The following HPS1 variants were observed in gnomAD, a reference collection of about 807,000 sequenced individuals.
HPS1 encodes BLOC-3 complex member HPS1.
Under a neutral mutation model 90.6 loss-of-function variants are expected in HPS1, and 59 were observed. The observed-to-expected ratio is 0.65, with a 90% CI of 0.53 to 0.81. HPS1 has a LOEUF of 0.81. HPS1 is among the 30% of genes least tolerant of loss of function. HPS1 has a pLI of 0.00. For synonymous variants in HPS1, 388 were observed against 384.4 expected (o/e 1.01, Z -0.11); for missense variants, 849 against 896.7 (o/e 0.95, Z 0.68).
chr10:98,433,026 G>C (rs1438754785), intron 6 of HPS1, among the ~76,000 whole-genome samples: 1 of 152,152 alleles, frequency 6.6e-6, no homozygotes. Context: ...GAGGTCAGGA[G>C]TTCGAGACCA....
At chr10:98,440,522 GA>G (rs1303784302) in intron 3 of HPS1, among the ~76,000 whole-genome samples, 4 of 147,752 alleles carry the variant, frequency 2.7e-5, no homozygotes, top group East Asian at 2.0e-4. Context: ...ATGGCAAGTG[GA>G]AAAAAAAACA....
At chr10:98,418,447 T>C (rs934963749) in intron 18 of HPS1, among the ~76,000 whole-genome samples, 190 bp from the exon 19 acceptor site, 1 of 152,174 alleles carries the variant, frequency 6.6e-6, no homozygotes, top group Non-Finnish European at 1.5e-5. Flanking sequence ...AGAAAAAGTA[T>C]ACAAAGCTTC....
rs1447345461 is a variant in HPS1, at chr10:98,418,185, C to T, written c.1930G>A (p.Asp644Asn). ...DSVPIGMLGG[D>N]YYRKLLRYYS... is the part of the protein sequence containing the mutation. Reference sequence around the variant, plus strand: ...CCAACGCAGCGTCACCTGTAGTAGTCTCCTCCCAGCATGCCGATAGGCACT... The same window carrying T: ...CCAACGCAGCGTCACCTGTAGTAGTTTCCTCCCAGCATGCCGATAGGCACT... The change falls in exon 19 of 20, where the codon GAC (aspartate) becomes AAC (asparagine). Residue 644 changes from aspartate (D) to asparagine (N), a missense_variant. Coordinates refer to ENST00000361490, the MANE Select transcript of HPS1 (RefSeq NM_000195.5). 1.2e-5 allele frequency: 19 copies of T among 1,605,566 alleles called. No individual in the cohort carries two copies. Among genetic ancestry groups the T allele is most frequent in the Non-Finnish European group, 1.4e-5 (17 of 1,173,936 alleles).
intron 1 of HPS1, among the ~76,000 whole-genome samples, chr10:98,446,186 C>A (rs1049209931): frequency 4.0e-5 from 6 of 151,776 alleles, no homozygotes; most frequent in Admixed American, 3.3e-4. Context: ...ACTGCTGTTA[C>A]GAGTTCGGCC....
chr10:98,415,613 A>G (rs1027665936), downstream of HPS1, among the ~76,000 whole-genome samples: 1 of 152,214 alleles, frequency 6.6e-6, no homozygotes, highest in Non-Finnish European at 1.5e-5. Flanking sequence ...CTCCAACTCC[A>G]TGCTGAGTCT....
intron 1 of HPS1, among the ~76,000 whole-genome samples, chr10:98,446,045 C>G (rs1939455987): frequency 1.3e-5 from 2 of 152,160 alleles, no homozygotes; most frequent in South Asian, 4.1e-4. Context: ...TTCCCTTCTT[C>G]AAATAACAGG....
intron 2 of HPS1, among the ~76,000 whole-genome samples, chr10:98,443,695 A>G (rs1938876347): frequency 6.7e-6 from 1 of 150,348 alleles, no homozygotes; most frequent in Admixed American, 6.6e-5. Flanking sequence ...GCACTGGTGC[A>G]CCTCCATCTC....
chr10:98,436,788 T>C (rs1847396704), intron 3 of HPS1, among the ~76,000 whole-genome samples: 1 of 152,238 alleles, frequency 6.6e-6, no homozygotes, highest in African/African-American at 2.4e-5. Context: ...CAGTCCTAAC[T>C]TGGAGCTGGG....
intron 3 of HPS1, among the ~76,000 whole-genome samples, chr10:98,437,165 C>T (rs1474035616): frequency 5.9e-5 from 9 of 152,176 alleles, no homozygotes; most frequent in Non-Finnish European, 1.0e-4. Context: ...CTTCTTTAGA[C>T]TCTAAGTTCC....
chr10:98,430,930 C>T (rs1846354767), intron 7 of HPS1, among the ~76,000 whole-genome samples: 1 of 152,230 alleles, frequency 6.6e-6, no homozygotes, highest in South Asian at 2.1e-4. Context: ...TAGATTGAGA[C>T]TCTAAGACAG....
chr10:98,420,105 C>T lies in HPS1; in HGVS notation c.1797G>A (p.Thr599=), dbSNP rs889147970. ...ARRYLQKGYT[T]LLFQEGDFYC... is the part of the protein sequence containing the mutation. ...AGAAATCCCCCTCCTGGAACAGCAG[C>T]GTGGTGTAGCCCTTCTGCAGGTATC... Residue 599 remains threonine (T), a synonymous_variant, in exon 18 of 20, where the codon ACG becomes ACA. Coordinates refer to ENST00000361490, the MANE Select transcript of HPS1 (RefSeq NM_000195.5). The T allele has an allele frequency of 8.7e-6, 14 of 1,614,002 alleles. No individual in the cohort carries two copies. Among genetic ancestry groups the T allele is most frequent in the Admixed American group, 3.3e-5 (2 of 60,006 alleles).
chr10:98,417,465 G>C lies in HPS1; in HGVS notation c.*99C>G. 1 of 1,119,320 alleles carries C rather than the reference G, an allele frequency of 8.9e-7. No individual in the cohort carries two copies. The highest frequency in any genetic ancestry group is 1.3e-6 in the Non-Finnish European group (1 of 780,880). The allele number at this position is 1,119,320 out of a possible 1,614,324, so 69.3% of individuals were successfully genotyped here. A position where few individuals can be genotyped will look rare whatever the true frequency, so the allele number is the denominator to read the frequency against. ...CCCTGGGCACTCTGCCCTATCCTCA[G>C]GATGGCCACTGCAGACAGGAGGCTC... is the stretch of plus-strand genomic sequence containing the variant. On this transcript the variant is annotated 3_prime_UTR_variant, in exon 20 of 20. Transcript: ENST00000361490. The surrounding 1 kb of genome is among the most constrained non-coding windows in gnomAD (Gnocchi z 4.2).
chr10:98,430,774 T>C, intron 7 of HPS1, 104 bp from the exon 8 acceptor site: 1 of 908,840 alleles, frequency 1.1e-6, no homozygotes, highest in Non-Finnish European at 1.7e-6. Context: ...CAAGGAGCAA[T>C]GTACTTCTGG....
At position 98,435,477 on chromosome 10, in the gene HPS1, C is replaced by G; in HGVS notation, c.256-63G>C. 2.5e-6 allele frequency: 4 copies of G among 1,612,654 alleles called. No individual in the cohort carries two copies. Among genetic ancestry groups the G allele is most frequent in the Non-Finnish European group, 3.4e-6 (4 of 1,179,128 alleles). On this transcript the variant is annotated intron_variant, in intron 4 of 19. Coordinates refer to ENST00000361490, the MANE Select transcript of HPS1 (RefSeq NM_000195.5). This position sits in a 1 kb window ranked among gnomAD's most constrained non-coding sequence, Gnocchi z 4.3. ...GGGCACTCCCTTCACCTGCCCTGGT[C>G]TCTGCAGACAAGCCAGGGGAGGCTC...
At position 98,424,373 on chromosome 10, in the gene HPS1, C is replaced by T. The variant is rs1377296947; in HGVS notation, c.1337G>A (p.Ser446Asn). 1.6e-5 allele frequency: 26 copies of T among 1,612,208 alleles called. No individual in the cohort carries two copies. The highest frequency in any genetic ancestry group is 3.3e-5 in the South Asian group (3 of 90,562). ...VKNRGAQEIQ[S>N]TWLEFKAKAF... ...CTTGGCCTTAAACTCCAGCCAGGTGCTCTGGAAGGAAGACAGGGGGCAGGT... is the reference window on the plus strand; with the variant it reads ...CTTGGCCTTAAACTCCAGCCAGGTGTTCTGGAAGGAAGACAGGGGGCAGGT... The change falls in exon 14 of 20, where the codon AGC (serine) becomes AAC (asparagine). Residue 446 changes from serine (S) to asparagine (N), a missense_variant and splice_region_variant. Coordinates refer to ENST00000361490, the MANE Select transcript of HPS1 (RefSeq NM_000195.5).
intron 6 of HPS1, among the ~76,000 whole-genome samples, chr10:98,433,674 C>G (rs1393238574): frequency 2.6e-5 from 4 of 152,058 alleles, no homozygotes; most frequent in Non-Finnish European, 5.9e-5. Context: ...AGTTCCAGCT[C>G]AATATAATTT....
chr10:98,434,630 A>C (rs1188599032), intron 5 of HPS1, among the ~76,000 whole-genome samples: 1 of 151,960 alleles, frequency 6.6e-6, no homozygotes. Context: ...TCGCCACAAA[A>C]CTAAAGTCCC....
At chr10:98,430,765 A>G (rs1302214625) in intron 7 of HPS1, 95 bp from the exon 8 acceptor site, 1 of 977,924 alleles carries the variant, frequency 1.0e-6, no homozygotes. Context: ...CCCTGCCCTC[A>G]AGGAGCAATG....
intron 1 of HPS1, among the ~76,000 whole-genome samples, 200 bp downstream of exon 1, chr10:98,446,607 C>T (rs1008302271): frequency 5.4e-4 from 83 of 152,318 alleles, no homozygotes; most frequent in African/African-American, 1.9e-3. Context: ...AGTTTCTGTC[C>T]AGTTTCACCC....
Sources: gnomAD v4.1 joint callset for allele counts (sites outside exome capture counted in the v4.1 genomes callset) on GRCh38, gnomAD v4.1.1 for gene constraint, Gnocchi (gnomAD v3.1) non-coding constraint, MANE v1.5 for transcripts, NCBI Gene and HGNC (gene_info 2026-07-23, HGNC 2026-07-21) for gene names.